Variants in ALOX5 observed in about 807,000 individuals in gnomAD.
ALOX5 encodes the protein arachidonate 5-lipoxygenase, also known as polyunsaturated fatty acid 5-lipoxygenase.
Under a neutral mutation model 87.9 loss-of-function variants are expected in ALOX5, and 64 were observed. That is an observed-to-expected ratio of 0.73 (90% CI 0.60 to 0.90). The LOEUF (loss-of-function observed/expected upper bound fraction) is 0.90. Among genes scored for constraint, ALOX5 ranks in the 40% least tolerant of loss-of-function variants. ALOX5 has a pLI of 0.00. For missense variants in ALOX5, 822 were observed against 907.5 expected, an observed-to-expected ratio of 0.91 and a Z score of 1.21; for synonymous variants, 388 against 355.1, an observed-to-expected ratio of 1.09 and a Z score of -1.04.
chr10:45,394,122 A>T lies in ALOX5; in HGVS notation c.350-1733A>T, dbSNP rs540878728. ...AAATCTACGTTAAAGTTCATATGGA[A>T]CCAAAAAAGAGCCCGCATTGCCAAG... On this transcript the variant is annotated intron_variant, in intron 2 of 13. Transcript: ENST00000374391. Among the ~76,000 whole-genome samples the T allele has an allele frequency of 3.9e-5, 6 of 152,372 alleles. No individual in the cohort carries two copies. In the South Asian group the frequency reaches 1.2e-3, roughly 32 times the overall value.
chr10:45,427,705 C>T (rs910782849), intron 6 of ALOX5, among the ~76,000 whole-genome samples: 3 of 152,188 alleles, frequency 2.0e-5, no homozygotes, highest in Admixed American at 6.5e-5. Flanking sequence ...AGCGGCCATG[C>T]CCCCGGCCTA....
intron 3 of ALOX5, among the ~76,000 whole-genome samples, chr10:45,403,691 C>T (rs1840781517): frequency 6.6e-6 from 1 of 152,156 alleles, no homozygotes; most frequent in African/African-American, 2.4e-5. Context: ...GAGTAACCTG[C>T]TGTGCTGTGG....
chr10:45,417,363 C>G (rs1841334224), intron 4 of ALOX5, among the ~76,000 whole-genome samples: 1 of 152,190 alleles, frequency 6.6e-6, no homozygotes, highest in Non-Finnish European at 1.5e-5. Flanking sequence ...TATTTTAGGG[C>G]TACTGGTGGA....
intron 1 of ALOX5, among the ~76,000 whole-genome samples, chr10:45,378,776 T>C (rs1839722407): frequency 6.6e-6 from 1 of 152,220 alleles, no homozygotes; most frequent in African/African-American, 2.4e-5. Flanking sequence ...TGGAGCCCTC[T>C]GCCCCTTGTT....
intron 2 of ALOX5, 25 bp from the exon 3 acceptor site, chr10:45,395,830 C>T (rs1335058096): frequency 6.2e-7 from 1 of 1,608,866 alleles, no homozygotes; most frequent in South Asian, 1.1e-5. Context: ...CCTCAGGCTC[C>T]TCTCATGTTG....
chr10:45,378,747 C>T (rs1347439859), intron 1 of ALOX5, among the ~76,000 whole-genome samples: 1 of 152,188 alleles, frequency 6.6e-6, no homozygotes, highest in Non-Finnish European at 1.5e-5. Context: ...GTCTTTTACT[C>T]CCTGAGTTGG....
At chr10:45,374,667 C>T (rs947210659) in intron 1 of ALOX5, among the ~76,000 whole-genome samples, 16 of 152,184 alleles carry the variant, frequency 1.1e-4, no homozygotes, top group African/African-American at 3.9e-4. Flanking sequence ...GGCCGCGACC[C>T]CTGTCGGAAA....
At chr10:45,422,608 C>G (rs1359422994) in intron 4 of ALOX5, among the ~76,000 whole-genome samples, 2 of 152,318 alleles carry the variant, frequency 1.3e-5, no homozygotes, top group East Asian at 3.9e-4. Context: ...TGACTGTGCC[C>G]TCAGCATGCA....
intron 3 of ALOX5, among the ~76,000 whole-genome samples, chr10:45,400,925 A>AT (rs1257610090): frequency 6.6e-6 from 1 of 152,210 alleles, no homozygotes; most frequent in African/African-American, 2.4e-5. Context: ...TTGATAGCAT[A>AT]TTTTTAAGGG....
intron 11 of ALOX5, 88 bp downstream of exon 11, chr10:45,443,625 G>C: frequency 1.3e-6 from 2 of 1,596,590 alleles, no homozygotes; most frequent in South Asian, 2.2e-5. Context: ...GTCCTGCCCA[G>C]GGTGCCCTCC....
At chr10:45,413,281 G>A (rs1589019354) in intron 4 of ALOX5, among the ~76,000 whole-genome samples, 1 of 152,158 alleles carries the variant, frequency 6.6e-6, no homozygotes, top group Admixed American at 6.5e-5. Context: ...TGGAAGGCTG[G>A]TTCAACATAC....
chr10:45,406,983 A>G (rs61479169), intron 3 of ALOX5, among the ~76,000 whole-genome samples: 3 of 152,184 alleles, frequency 2.0e-5, no homozygotes, highest in South Asian at 4.1e-4. Context: ...TGCTGTATTT[A>G]GGAGTTTATT....
At chr10:45,409,813 C>A (rs1313176230) in intron 3 of ALOX5, among the ~76,000 whole-genome samples, 1 of 152,226 alleles carries the variant, frequency 6.6e-6, no homozygotes, top group East Asian at 1.9e-4. Flanking sequence ...GCAGCAGTGA[C>A]CTGCAGTGGA....
intron 3 of ALOX5, among the ~76,000 whole-genome samples, chr10:45,406,205 G>A (rs1273506218): frequency 6.6e-6 from 1 of 152,108 alleles, no homozygotes; most frequent in African/African-American, 2.4e-5. Flanking sequence ...GAGATAATAG[G>A]TTAAACCATG....
chr10:45,432,669 T>C (rs897488750), intron 7 of ALOX5, among the ~76,000 whole-genome samples: 1 of 152,078 alleles, frequency 6.6e-6, no homozygotes, highest in African/African-American at 2.4e-5. Flanking sequence ...AGGAGTTGCT[T>C]AGAAGAAAAA....
intron 13 of ALOX5, 122 bp downstream of exon 13, chr10:45,444,408 G>C: frequency 4.5e-6 from 6 of 1,336,908 alleles, no homozygotes; most frequent in Non-Finnish European, 6.0e-6. Flanking sequence ...TGACTTCCAA[G>C]GCTGGAAGGG....
chr10:45,398,620 C>T (rs1020000173), intron 3 of ALOX5, among the ~76,000 whole-genome samples: 1 of 152,100 alleles, frequency 6.6e-6, no homozygotes. Context: ...AAGGGCCTTC[C>T]ATCCATAATT....
At chr10:45,388,297 C>T (rs1291267266) in intron 2 of ALOX5, among the ~76,000 whole-genome samples, 3 of 152,050 alleles carry the variant, frequency 2.0e-5, no homozygotes, top group African/African-American at 7.2e-5. Flanking sequence ...CAGCAGAAAC[C>T]TCTGCAGACT....
chr10:45,386,803 C>T (rs1840024103), intron 2 of ALOX5, among the ~76,000 whole-genome samples: 2 of 152,152 alleles, frequency 1.3e-5, no homozygotes, highest in South Asian at 4.1e-4. Context: ...CGTTCACAGG[C>T]TTGGCCTTAA....
Sources: gnomAD v4.1 joint callset for allele counts (sites outside exome capture counted in the v4.1 genomes callset) on GRCh38, gnomAD v4.1.1 for gene constraint, MANE v1.5 for transcripts, NCBI Gene and HGNC (gene_info 2026-07-23, HGNC 2026-07-21) for gene names.